Variants in NWD2 observed in about 807,000 individuals in gnomAD.
NWD2 encodes NACHT and WD repeat domain-containing protein 2.
Under a neutral mutation model 132.7 loss-of-function variants are expected in NWD2, and 37 were observed. That is an observed-to-expected ratio of 0.28 (90% confidence interval 0.21 to 0.37). The LOEUF (loss-of-function observed/expected upper bound fraction) is 0.37, where lower values mean the gene tolerates loss of function less well. Among genes scored for constraint, NWD2 ranks in the 10% least tolerant of loss-of-function variants. The probability of loss-of-function intolerance (pLI) is 1.00; values close to 1 mark genes in which losing one functional copy is unlikely to be tolerated. For missense variants in NWD2, 1,592 were observed against 2,122.4 expected (o/e 0.75, Z 4.91); for synonymous variants, 705 against 803.0 (o/e 0.88, Z 2.06).
chr4:37,356,185 A>G (rs1719868200), intron 2 of NWD2, among the ~76,000 whole-genome samples, 181 bp from the exon 3 acceptor site: 1 of 152,200 alleles, frequency 6.6e-6, no homozygotes, highest in Admixed American at 6.5e-5. Flanking sequence ...AAGAAATTAT[A>G]AGGTTCATTC....
chr4:37,409,755 A>G (rs918128756), intron 3 of NWD2, among the ~76,000 whole-genome samples: 13 of 152,174 alleles, frequency 8.5e-5, no homozygotes, highest in Non-Finnish European at 1.9e-4. Flanking sequence ...GCAGCCAGAG[A>G]GAAAGGTCGG....
chr4:37,257,269 T>A (rs1407768492), intron 1 of NWD2, among the ~76,000 whole-genome samples: 2 of 152,222 alleles, frequency 1.3e-5, no homozygotes, highest in Non-Finnish European at 2.9e-5. Context: ...TTAAAAGGAA[T>A]GACTGTTGTT....
At position 37,446,693 on chromosome 4, in the gene NWD2, C is replaced by T. The variant is rs1045305370; in HGVS notation, c.4705C>T (p.Arg1569Trp). 6 of 1,550,870 alleles carry T rather than the reference C, an allele frequency of 3.9e-6. No individual in the cohort carries two copies. The highest frequency in any genetic ancestry group is 2.0e-5 in the Admixed American group (1 of 50,890). ...RVVHASGIIW[R>W]QRLSRDGRYL... ...GGTTCACGCCTCTGGGATCATCTGG[C>T]GGCAGAGGTTGTCTCGGGATGGTCG... Residue 1569 changes from arginine to tryptophan, a missense_variant, in exon 7 of 7, where the codon CGG (arginine) becomes TGG (tryptophan). Coordinates refer to ENST00000309447, the MANE Select transcript of NWD2 (RefSeq NM_001144990.2). The surrounding 1 kb of genome is among the most constrained non-coding windows in gnomAD (Gnocchi z 6.7).
At chr4:37,371,783 A>G (rs1720234060) in intron 3 of NWD2, among the ~76,000 whole-genome samples, 1 of 152,222 alleles carries the variant, frequency 6.6e-6, no homozygotes, top group Non-Finnish European at 1.5e-5. Context: ...TTCAGGCTCT[A>G]TCTAATTTTG....
intron 3 of NWD2, among the ~76,000 whole-genome samples, chr4:37,356,917 CTA>C (rs1278151403): frequency 6.6e-6 from 1 of 152,158 alleles, no homozygotes; most frequent in Non-Finnish European, 1.5e-5. Flanking sequence ...ATCAAATATA[CTA>C]TGTCTCATCT....
intron 2 of NWD2, among the ~76,000 whole-genome samples, chr4:37,354,663 G>T (rs191862365): frequency 2.9e-4 from 44 of 152,186 alleles, no homozygotes; most frequent in African/African-American, 8.2e-4. Flanking sequence ...AGGGGATTCT[G>T]CTTCCACTGA....
In NWD2 at chr4:37,354,663, G is replaced by C. The variant is rs191862365; in HGVS notation, c.241-1703G>C. ...CAGAGTAGCATGTGAAGGGGATTCT[G>C]CTTCCACTGAGGGAGACACTTCCTC... On this transcript the variant is annotated intron_variant, in intron 2 of 6. Transcript: ENST00000309447. 2.4e-4 allele frequency among the ~76,000 whole-genome samples: 37 copies of C among 152,304 alleles called. No homozygotes were observed. In the East Asian group the frequency reaches 7.0e-3, roughly 29 times the overall value.
chr4:37,295,439 T>C (rs1465036673), intron 1 of NWD2, among the ~76,000 whole-genome samples: 1 of 152,228 alleles, frequency 6.6e-6, no homozygotes, highest in Non-Finnish European at 1.5e-5. Flanking sequence ...TTGACACCTA[T>C]CTCATGCTGC....
rs766188257 is a variant in NWD2 at position 37,325,978 on chromosome 4, C to T, written c.194C>T (p.Pro65Leu). The change falls in exon 2 of 7, where the codon CCT (proline) becomes CTT (leucine). Residue 65 changes from proline to leucine, a missense_variant. Transcript: ENST00000309447. ...ERQALRENVY[P>L]KLREFCRENY... ...CAGGCGCTAAGAGAAAATGTATATCCTAAACTGAGAGAATTCTGCAGAGAA... is the reference window on the plus strand; with the variant it reads ...CAGGCGCTAAGAGAAAATGTATATCTTAAACTGAGAGAATTCTGCAGAGAA... The T allele has an allele frequency of 4.5e-6, 7 of 1,548,540 alleles. No individual in the cohort carries two copies. The highest frequency in any genetic ancestry group is 6.1e-6 in the Non-Finnish European group (7 of 1,144,634).
intron 1 of NWD2, 90 bp downstream of exon 1, chr4:37,245,308 G>A (rs1000865617): frequency 2.6e-5 from 35 of 1,362,936 alleles, no homozygotes; most frequent in Non-Finnish European, 3.4e-5. Context: ...ACAGCCCGGT[G>A]CGCCCTGCGC....
chr4:37,312,236 C>T lies in NWD2; in HGVS notation c.152-13700C>T, dbSNP rs1262069169. ...ACCTTGGGCAGTATGGCCATTTTCA[C>T]GATATTGATTCTTCCTACCCATGAG... is the stretch of plus-strand genomic sequence containing the variant. On this transcript the variant is annotated intron_variant, in intron 1 of 6. Transcript: ENST00000309447. 4.3e-3 allele frequency among the ~76,000 whole-genome samples: 646 copies of T among 151,370 alleles called. 3 individuals are homozygous for T. The highest frequency in any genetic ancestry group is 0.015 in the African/African-American group (601 of 40,716).
At chr4:37,252,422 T>C (rs1717395894) in intron 1 of NWD2, among the ~76,000 whole-genome samples, 1 of 152,228 alleles carries the variant, frequency 6.6e-6, no homozygotes, top group African/African-American at 2.4e-5. Context: ...TGATACCATT[T>C]GCTATTTGAA....
chr4:37,315,637 C>A (rs1235076183), intron 1 of NWD2, among the ~76,000 whole-genome samples: 1 of 151,966 alleles, frequency 6.6e-6, no homozygotes, highest in Non-Finnish European at 1.5e-5. Context: ...GTTATCTAGC[C>A]TGGCAATTCC....
At chr4:37,415,282 T>A (rs1013404837) in intron 3 of NWD2, among the ~76,000 whole-genome samples, 4 of 152,172 alleles carry the variant, frequency 2.6e-5, no homozygotes, top group Admixed American at 6.5e-5. Context: ...CTCTTGGCTT[T>A]AAAGTGGAGG....
In NWD2 at chr4:37,444,546, G is replaced by T; in HGVS notation, c.2558G>T (p.Gly853Val). Residue 853 changes from glycine (G) to valine (V), a missense_variant, in exon 7 of 7, where the codon GGC becomes GTC. Gly to Val is a moderately radical substitution (Grantham distance 109, BLOSUM62 -3). Around this residue, in one of 7 missense-constraint regions of NWD2, gnomAD observed 1,071 missense variants for 1,398.0 expected, o/e 0.77. Coordinates refer to ENST00000309447, the MANE Select transcript of NWD2 (RefSeq NM_001144990.2). The surrounding 1 kb of genome is among the most constrained non-coding windows in gnomAD (Gnocchi z 4.8). ...GGAAAAACCGATGACCTGCTTTACG[G>T]CATCATCATGAACTTCAGCTGGCTT... ...RCGKTDDLLY[G>V]IIMNFSWLYT... The T allele has an allele frequency of 6.4e-7, 1 of 1,551,760 alleles. No homozygotes were observed. Among genetic ancestry groups the T allele is most frequent in the Non-Finnish European group, 8.7e-7 (1 of 1,147,026 alleles).
chr4:37,441,566 G>A (rs981269433), intron 6 of NWD2, among the ~76,000 whole-genome samples: 2 of 152,228 alleles, frequency 1.3e-5, no homozygotes, highest in African/African-American at 2.4e-5. Context: ...GCACAGATAA[G>A]CAGTCCCAGT....
chr4:37,273,491 A>C (rs146376099), intron 1 of NWD2, among the ~76,000 whole-genome samples: 4,333 of 152,228 alleles, frequency 0.028, 98 homozygotes, highest in East Asian at 0.11. Context: ...GGGAGACTTT[A>C]ACACCCCACT....
At chr4:37,353,528 A>G (rs1719812333) in intron 2 of NWD2, among the ~76,000 whole-genome samples, 1 of 151,996 alleles carries the variant, frequency 6.6e-6, no homozygotes, top group Non-Finnish European at 1.5e-5. Flanking sequence ...TATTTCTTGG[A>G]AGCTTTGTTT....
At chr4:37,246,099 C>G (rs1328634604) in intron 1 of NWD2, among the ~76,000 whole-genome samples, 6 of 151,906 alleles carry the variant, frequency 3.9e-5, no homozygotes, top group Non-Finnish European at 7.4e-5. Flanking sequence ...TTGCTCTTTT[C>G]TAGGAAAAAA....
Sources: gnomAD v4.1 joint callset for allele counts (sites outside exome capture counted in the v4.1 genomes callset) on GRCh38, gnomAD v4.1.1 for gene constraint, gnomAD v4.1.1 regional missense constraint, Gnocchi (gnomAD v3.1) non-coding constraint, MANE v1.5 for transcripts, NCBI Gene and HGNC (gene_info 2026-07-23, HGNC 2026-07-21) for gene names.